Variants in PNKD observed in about 807,000 individuals in gnomAD.
PNKD encodes the protein probable thioesterase PNKD.
A neutral mutation model predicts 45.3 loss-of-function variants in PNKD; 36 were observed. The ratio of observed to expected loss-of-function variants is 0.80; its 90% CI spans 0.61 to 1.05. The LOEUF is 1.05. PNKD is among the 50% of genes least tolerant of loss of function. PNKD has a pLI of 0.00. For synonymous variants in PNKD, 197 were observed against 210.1 expected (o/e 0.94, Z 0.54); for missense variants, 511 against 506.6 (o/e 1.01, Z -0.08).
chr2:218,323,574 A>G, intron 2 of PNKD: 2 of 435,968 alleles, frequency 4.6e-6, no homozygotes, highest in Non-Finnish European at 6.9e-6. Flanking sequence ...GAGGAGACGG[A>G]CTGGAGAAGC....
At chr2:218,289,499 G>A (rs1006171082) in intron 2 of PNKD, among the ~76,000 whole-genome samples, 5 of 151,688 alleles carry the variant, frequency 3.3e-5, no homozygotes, top group South Asian at 2.1e-4. Context: ...AAAATTAGCC[G>A]GGCATGGTGG....
At chr2:218,327,626 G>T (rs562902519) in intron 2 of PNKD, among the ~76,000 whole-genome samples, 1 of 152,024 alleles carries the variant, frequency 6.6e-6, no homozygotes, top group Non-Finnish European at 1.5e-5. Context: ...CCACATTGCC[G>T]ACAGTATGGA....
chr2:218,320,694 T>G (rs1693963796), intron 2 of PNKD, among the ~76,000 whole-genome samples: 1 of 152,024 alleles, frequency 6.6e-6, no homozygotes, highest in African/African-American at 2.4e-5. Context: ...CCAATTTGAG[T>G]CTTTGGGGAA....
At chr2:218,332,693 C>T (rs1049750796) in intron 2 of PNKD, among the ~76,000 whole-genome samples, 2 of 151,982 alleles carry the variant, frequency 1.3e-5, no homozygotes, top group African/African-American at 4.8e-5. Context: ...CCACCTTCAG[C>T]ACCCCCTCTA....
intron 2 of PNKD, chr2:218,277,430 A>T (rs1420670192): frequency 6.2e-7 from 1 of 1,614,174 alleles, no homozygotes. Flanking sequence ...CATTGCAATG[A>T]TGACGGCTTT....
intron 2 of PNKD, among the ~76,000 whole-genome samples, chr2:218,338,791 ATT>A (rs372040108): frequency 1.6e-4 from 19 of 117,470 alleles, no homozygotes; most frequent in African/African-American, 1.6e-4. Context: ...GCCTCAGATG[ATT>A]TTTTTTTTTT....
Position 218,345,050 on chromosome 2 carries a change from CCTT to C in PNKD, c.*72_*74del. 2 of 1,239,750 alleles carry C rather than the reference CCTT, an allele frequency of 1.6e-6. No individual in the cohort carries two copies. The highest frequency in any genetic ancestry group is 2.3e-6 in the Non-Finnish European group (2 of 872,706). The allele number at this position is 1,239,750 out of a possible 1,614,324, so 76.8% of individuals were successfully genotyped here. A position where few individuals can be genotyped will look rare whatever the true frequency, so the allele number is the denominator to read the frequency against. On this transcript the variant is annotated 3_prime_UTR_variant, in exon 10 of 10. Transcript: ENST00000273077. The stretch of plus-strand genomic sequence containing the variant: ...GCCGCCACCACCAACACCTCATCAT[CCTT>C]CTCATCGCTAACACCACCACCTCCA...
chr2:218,343,629 T>G (rs1261180058), intron 8 of PNKD, 43 bp downstream of exon 8: 8 of 1,476,920 alleles, frequency 5.4e-6, no homozygotes, highest in Non-Finnish European at 7.4e-6. Context: ...AGCCCCACGC[T>G]CAGCCTGGGA....
intron 5 of PNKD, 52 bp from the exon 6 acceptor site, chr2:218,341,482 C>A: frequency 2.5e-6 from 3 of 1,211,872 alleles, no homozygotes; most frequent in South Asian, 1.3e-5. Context: ...AAGAAGGGGG[C>A]TTAGGTACAG....
At chr2:218,277,103 CCAG>C (rs781400423) in intron 2 of PNKD, 15 of 1,613,620 alleles carry the variant, frequency 9.3e-6, no homozygotes, top group Non-Finnish European at 1.3e-5. Flanking sequence ...AGTCCACCTG[CCAG>C]GAAGCAAGAA....
At chr2:218,323,240 G>T in intron 2 of PNKD, 1 of 1,462,948 alleles carries the variant, frequency 6.8e-7, no homozygotes, top group South Asian at 1.3e-5. Context: ...GCCGAGCCCC[G>T]CCCGGCCGGC....
chr2:218,277,577 A>AC lies in PNKD; in HGVS notation c.236+6032dup, dbSNP rs1691354788. On this transcript the variant is annotated intron_variant, in intron 2 of 9. Transcript: ENST00000273077. ...CGCAGCTGGCTGCCGGCCCAGGAAC[A>AC]CCCCACTCCCCACAATACACATTTC... 5.0e-6 allele frequency: 8 copies of AC among 1,612,394 alleles called. No individual in the cohort carries two copies. In the South Asian group the frequency reaches 8.8e-5, roughly 18 times the overall value.
intron 2 of PNKD, among the ~76,000 whole-genome samples, chr2:218,294,699 A>G (rs1693101226): frequency 6.6e-6 from 1 of 152,018 alleles, no homozygotes; most frequent in African/African-American, 2.4e-5. Context: ...GCTGGTCTTG[A>G]ACTCCTGGGC....
rs533895862 is a variant in PNKD at position 218,340,602 on chromosome 2, C to A, written c.466-126C>A. ...GGATCTCTCCCCTCCAGCTCCATCC[C>A]TTTCCTCTGCTTCATCTCTCCATGC... On this transcript the variant is annotated intron_variant, in intron 4 of 9. Transcript: ENST00000273077. This position sits in a 1 kb window ranked among gnomAD's most constrained non-coding sequence, Gnocchi z 4.2. 77 of 772,134 alleles carry A rather than the reference C, an allele frequency of 1.0e-4. No homozygotes were observed. In the African/African-American group the frequency reaches 1.0e-3, roughly 10 times the overall value. The allele number at this position is 772,134 out of a possible 1,614,324, so 47.8% of individuals were successfully genotyped here. A position where few individuals can be genotyped will look rare whatever the true frequency, so the allele number is the denominator to read the frequency against.
chr2:218,276,148 T>C lies in PNKD; in HGVS notation c.236+4599T>C, dbSNP rs1239148696. 3.9e-6 allele frequency: 6 copies of C among 1,543,052 alleles called. No homozygotes were observed. In the African/African-American group the frequency reaches 4.1e-5, roughly 10 times the overall value. ...AACCACAGGCCCACAGGCCCCAGCT[T>C]CCCCCGGGATAGTGGCATGAGAGTG... On this transcript the variant is annotated intron_variant, in intron 2 of 9. Coordinates refer to ENST00000273077, the MANE Select transcript of PNKD (RefSeq NM_015488.5).
intron 2 of PNKD, chr2:218,323,470 C>T: frequency 9.3e-7 from 1 of 1,070,216 alleles, no homozygotes; most frequent in Non-Finnish European, 1.2e-6. Context: ...GCTCGGGAGG[C>T]GGGCGCGCTG....
At chr2:218,308,986 G>A (rs1056249860) in intron 2 of PNKD, among the ~76,000 whole-genome samples, 3 of 151,680 alleles carry the variant, frequency 2.0e-5, no homozygotes, top group Non-Finnish European at 4.4e-5. Context: ...AGAGTACAGT[G>A]GCGCAGTCAT....
At chr2:218,341,686 C>A in intron 6 of PNKD, 60 bp downstream of exon 6, 1 of 1,268,222 alleles carries the variant, frequency 7.9e-7, no homozygotes. Flanking sequence ...CCACCCCCAG[C>A]CTTCAGTGAA....
Position 218,272,935 on chromosome 2 carries a change from T to C in PNKD, c.236+1386T>C, listed in dbSNP as rs1028976079. The C allele has an allele frequency of 8.8e-6, 13 of 1,481,622 alleles. No individual in the cohort carries two copies. In the South Asian group the frequency reaches 1.3e-4, roughly 15 times the overall value. The allele number at this position is 1,481,622 out of a possible 1,614,324, so 91.8% of individuals were successfully genotyped here. ...AAGGCAAATAAAGTTATTGAGTGTT[T>C]AGTAGAAAGGAACCAGGTCTGGGTT... On this transcript the variant is annotated intron_variant, in intron 2 of 9. Coordinates refer to ENST00000273077, the MANE Select transcript of PNKD (RefSeq NM_015488.5).
Sources: allele counts gnomAD v4.1 joint callset (sites outside exome capture counted in the v4.1 genomes callset), GRCh38; gene constraint gnomAD v4.1.1; non-coding constraint Gnocchi (gnomAD v3.1); transcripts MANE v1.5; gene names NCBI Gene and HGNC (gene_info 2026-07-23, HGNC 2026-07-21).